AOAH: variants seen among roughly 807,000 people sequenced by gnomAD.
AOAH encodes the protein acyloxyacyl hydrolase.
In AOAH, 64 loss-of-function variants were observed where a neutral mutation model predicts 92.2. The observed-to-expected ratio is 0.69, with a 90% CI of 0.57 to 0.86. The LOEUF is 0.86. Ranked by LOEUF, AOAH falls within the 40% of genes least tolerant of loss-of-function variation. AOAH has a pLI of 0.00. For missense variants in AOAH, 656 were observed against 694.6 expected, an observed-to-expected ratio of 0.94 and a Z score of 0.62; for synonymous variants, 263 against 254.5, an observed-to-expected ratio of 1.03 and a Z score of -0.32.
intron 16 of AOAH, among the ~76,000 whole-genome samples, chr7:36,536,604 G>A (rs1270697931): frequency 6.6e-6 from 1 of 152,096 alleles, no homozygotes; most frequent in Non-Finnish European, 1.5e-5. Context: ...AGCAATAAAT[G>A]AAATTACTGT....
chr7:36,560,718 T>G (rs1245699671), intron 13 of AOAH, among the ~76,000 whole-genome samples: 1 of 152,180 alleles, frequency 6.6e-6, no homozygotes, highest in Non-Finnish European at 1.5e-5. Context: ...TTTGGATGCT[T>G]TTTATATCTT....
chr7:36,616,334 A>G, intron 11 of AOAH, 46 bp downstream of exon 11: 4 of 1,521,714 alleles, frequency 2.6e-6, no homozygotes, highest in Non-Finnish European at 3.6e-6. Flanking sequence ...AGGAAACAAA[A>G]ACAAAGGCCA....
At chr7:36,721,670 T>C (rs1799637192) in intron 1 of AOAH, among the ~76,000 whole-genome samples, 1 of 152,110 alleles carries the variant, frequency 6.6e-6, no homozygotes, top group African/African-American at 2.4e-5. Context: ...TCAAACCTAA[T>C]CAGCAACAGA....
At chr7:36,678,600 T>TGTGTGTGTGTGTGAGC (rs549317369) in intron 2 of AOAH, among the ~76,000 whole-genome samples, 1 of 131,034 alleles carries the variant, frequency 7.6e-6, no homozygotes, top group Non-Finnish European at 1.7e-5. Context: ...TGTGTGTGTG[T>TGTGTGTGTGTGTGAGC]GCGCGCGCGC....
intron 1 of AOAH, among the ~76,000 whole-genome samples, chr7:36,690,635 G>C (rs1362684614): frequency 6.6e-6 from 1 of 152,178 alleles, no homozygotes; most frequent in Non-Finnish European, 1.5e-5. Context: ...ACCTGGCTCT[G>C]TTAAAGTGAA....
At chr7:36,619,078 A>G (rs1792102680) in intron 9 of AOAH, among the ~76,000 whole-genome samples, 1 of 152,222 alleles carries the variant, frequency 6.6e-6, no homozygotes, top group Non-Finnish European at 1.5e-5. Context: ...TAGTATTCCA[A>G]GATGAAAGCA....
At chr7:36,616,738 T>C (rs1453608684) in intron 10 of AOAH, among the ~76,000 whole-genome samples, 1 of 152,176 alleles carries the variant, frequency 6.6e-6, no homozygotes, top group Non-Finnish European at 1.5e-5. Flanking sequence ...CTTGAGTGAA[T>C]GATGGATGAA....
At chr7:36,621,536 G>A (rs747284551) in intron 8 of AOAH, among the ~76,000 whole-genome samples, 174 bp downstream of exon 8, 24 of 152,118 alleles carry the variant, frequency 1.6e-4, no homozygotes, top group Non-Finnish European at 2.6e-4. Context: ...AGCATTTCTC[G>A]GACAAACGAA....
At chr7:36,665,442 T>C (rs1795470244) in intron 3 of AOAH, among the ~76,000 whole-genome samples, 1 of 151,654 alleles carries the variant, frequency 6.6e-6, no homozygotes. Flanking sequence ...TTTTTTTTTT[T>C]TGCCGATTCT....
At chr7:36,649,335 C>G (rs1794429261) in intron 4 of AOAH, among the ~76,000 whole-genome samples, 1 of 152,136 alleles carries the variant, frequency 6.6e-6, no homozygotes. Context: ...TTCTCATTTT[C>G]TTCTTTGGGT....
At chr7:36,537,604 C>T (rs970383204) in intron 16 of AOAH, among the ~76,000 whole-genome samples, 5 of 151,000 alleles carry the variant, frequency 3.3e-5, no homozygotes, top group African/African-American at 9.7e-5. Context: ...TTACAACCTC[C>T]GCCTCCCGGG....
intron 15 of AOAH, among the ~76,000 whole-genome samples, 196 bp from the exon 16 acceptor site, chr7:36,540,687 C>T (rs1259645594): frequency 2.6e-5 from 4 of 152,354 alleles, no homozygotes; most frequent in South Asian, 4.1e-4. Flanking sequence ...GACTCCCTTG[C>T]GGTTGAGTGG....
intron 13 of AOAH, among the ~76,000 whole-genome samples, chr7:36,558,857 G>T (rs559318925): frequency 2.6e-5 from 4 of 152,354 alleles, no homozygotes; most frequent in African/African-American, 9.6e-5. Flanking sequence ...GGAGTGACCC[G>T]ATTTTCCAGG....
In AOAH at chr7:36,670,072, T is replaced by TG. The variant is rs201573140; in HGVS notation, c.290+3870_290+3871insC. Among the ~76,000 whole-genome samples, 1,032 of 152,178 alleles carry TG rather than the reference T, an allele frequency of 6.8e-3. 5 individuals are homozygous for TG. Among genetic ancestry groups the TG allele is most frequent in the African/African-American group, 0.011 (470 of 41,506 alleles). On this transcript the variant is annotated intron_variant, in intron 3 of 20. Transcript: ENST00000617537. ...TCTCAGGTATCCTTTTTTTGTTTTT[T>TG]TTTTTTAACATCTTGTGGCTCTGCC...
At chr7:36,517,929 ACCCACACACACACACC>A (rs1410803744) in intron 20 of AOAH, among the ~76,000 whole-genome samples, 2 of 45,606 alleles carry the variant, frequency 4.4e-5, no homozygotes, top group Admixed American at 2.3e-4. Flanking sequence ...ACACACACAC[ACCCACACACACACACC>A]CACACACACA....
intron 1 of AOAH, among the ~76,000 whole-genome samples, chr7:36,711,474 A>T (rs986782579): frequency 1.3e-5 from 2 of 152,120 alleles, no homozygotes; most frequent in Non-Finnish European, 2.9e-5. Flanking sequence ...CCCTTCTCAG[A>T]GTGTCCCTGT....
chr7:36,561,395 A>G (rs1478166256), intron 13 of AOAH, among the ~76,000 whole-genome samples: 1 of 152,178 alleles, frequency 6.6e-6, no homozygotes, highest in Admixed American at 6.5e-5. Context: ...AAACAGGAAA[A>G]GCCAATTGAT....
At chr7:36,546,747 G>C (rs1335090267) in intron 15 of AOAH, among the ~76,000 whole-genome samples, 4 of 152,172 alleles carry the variant, frequency 2.6e-5, no homozygotes, top group African/African-American at 9.6e-5. Flanking sequence ...CTGGGGGCTG[G>C]GGGAGCAATG....
intron 1 of AOAH, among the ~76,000 whole-genome samples, chr7:36,708,912 G>A (rs1294578752): frequency 1.3e-5 from 2 of 152,140 alleles, no homozygotes; most frequent in African/African-American, 2.4e-5. Flanking sequence ...TCAAGTGAAA[G>A]AGTCACCATC....
Sources: gnomAD v4.1 joint callset for allele counts (sites outside exome capture counted in the v4.1 genomes callset) on GRCh38, gnomAD v4.1.1 for gene constraint, MANE v1.5 for transcripts, NCBI Gene and HGNC (gene_info 2026-07-23, HGNC 2026-07-21) for gene names.